KCNQ1: variants seen among roughly 807,000 people sequenced by gnomAD.
KCNQ1 encodes potassium voltage-gated channel subfamily Q member 1.
A neutral mutation model predicts 72.4 loss-of-function variants in KCNQ1; 49 were observed. The observed-to-expected ratio is 0.68, with a 90% CI of 0.54 to 0.86. The LOEUF (loss-of-function observed/expected upper bound fraction) is 0.86, where lower values mean the gene tolerates loss of function less well. Among genes scored for constraint, KCNQ1 ranks in the 40% least tolerant of loss-of-function variants. KCNQ1 has a pLI of 0.00. For missense variants in KCNQ1, 790 were observed against 945.1 expected (o/e 0.84, Z 2.15); for synonymous variants, 450 against 412.6 (o/e 1.09, Z -1.10).
At chr11:2,727,198 C>T (rs376297136) in intron 11 of KCNQ1, among the ~76,000 whole-genome samples, 36 of 152,326 alleles carry the variant, frequency 2.4e-4, no homozygotes, top group African/African-American at 8.7e-4. Flanking sequence ...CTCAAAAGCT[C>T]AGCGTCTACA....
In KCNQ1 at chr11:2,847,910, C is replaced by T. The variant is rs184844767; in HGVS notation, c.1938C>T (p.Gly646=). 2.4e-5 allele frequency: 38 copies of T among 1,577,134 alleles called. No homozygotes were observed. Among genetic ancestry groups the T allele is most frequent in the Middle Eastern group, 1.7e-4 (1 of 6,026 alleles). ...TCACCCAGCCCTGCGGCAGTGGCGG[C>T]TCCGTCGACCCTGAGCTCTTCCTGC... ...AHITQPCGSG[G]SVDPELFLPS... The change falls in exon 16 of 16, where the codon GGC becomes GGT. Residue 646 remains glycine (G), a synonymous_variant. Transcript: ENST00000155840.
chr11:2,545,748 T>G (rs1440222184), intron 2 of KCNQ1, among the ~76,000 whole-genome samples: 2 of 152,172 alleles, frequency 1.3e-5, no homozygotes, highest in Non-Finnish European at 2.9e-5. Flanking sequence ...GGCTTTGGTA[T>G]TTTGTGTATT....
At chr11:2,702,044 C>T (rs1217122951) in intron 11 of KCNQ1, among the ~76,000 whole-genome samples, 1 of 152,256 alleles carries the variant, frequency 6.6e-6, no homozygotes, top group Non-Finnish European at 1.5e-5. Context: ...ATTCCAGCCT[C>T]ACTGTGGCCC....
chr11:2,609,446 T>TC, intron 10 of KCNQ1: 2 of 398,458 alleles, frequency 5.0e-6, no homozygotes, highest in Non-Finnish European at 8.9e-6. Flanking sequence ...TAGCATATGG[T>TC]CCTTCTTGGA....
intron 15 of KCNQ1, among the ~76,000 whole-genome samples, chr11:2,839,253 G>T (rs997132035): frequency 1.3e-5 from 2 of 152,230 alleles, no homozygotes; most frequent in African/African-American, 4.8e-5. Context: ...CCCTTCCAAG[G>T]GAAGAGGGCA....
At chr11:2,771,493 A>C (rs1308263448) in intron 12 of KCNQ1, 1 of 152,228 alleles carries the variant, frequency 6.6e-6, no homozygotes, top group Non-Finnish European at 1.5e-5. Context: ...AACCAAGAAA[A>C]AAAGCACACG....
In KCNQ1 at chr11:2,497,798, G is replaced by T. The variant is rs1015213752; in HGVS notation, c.387-30130G>T. Among the ~76,000 whole-genome samples the T allele has an allele frequency of 6.6e-6, 1 of 152,174 alleles. No individual in the cohort carries two copies. The highest frequency in any genetic ancestry group is 2.4e-5 in the African/African-American group (1 of 41,444). ...TTTGTGCTGGTTTTTCCTCATCTTT[G>T]TGGATTTATCTGCCTTTGCTCTTTG... On this transcript the variant is annotated intron_variant, in intron 1 of 15. Transcript: ENST00000155840. The surrounding 1 kb of genome is among the most constrained non-coding windows in gnomAD (Gnocchi z 4.5).
rs1846394327 is a variant in KCNQ1 at position 2,468,788 on chromosome 11, AC to A, written c.386+23306del. On this transcript the variant is annotated intron_variant, in intron 1 of 15. Coordinates refer to ENST00000155840, the MANE Select transcript of KCNQ1 (RefSeq NM_000218.3). The surrounding 1 kb of genome is among the most constrained non-coding windows in gnomAD (Gnocchi z 5.7). ...TAGAGCCTACTTTGCCGATCCATGC[AC>A]CTGTTGATGGACATGTGGGCGGCTG... 6.6e-6 allele frequency among the ~76,000 whole-genome samples: 1 copy of A among 152,142 alleles called. No individual in the cohort carries two copies.
rs1251517076 is a variant in KCNQ1, at chr11:2,595,504, T to C, written c.1393+6650T>C. ...ACAATCCTAGGGCCCTTAAGAATTA[T>C]GCTAAATCTACTCTGCTTATGCTCT... On this transcript the variant is annotated intron_variant, in intron 10 of 15. Coordinates refer to ENST00000155840, the MANE Select transcript of KCNQ1 (RefSeq NM_000218.3). This position sits in a 1 kb window ranked among gnomAD's most constrained non-coding sequence, Gnocchi z 5.0. Among the ~76,000 whole-genome samples the C allele has an allele frequency of 1.3e-5, 2 of 152,244 alleles. No individual in the cohort carries two copies. The highest frequency in any genetic ancestry group is 2.9e-5 in the Non-Finnish European group (2 of 68,042).
At position 2,713,965 on chromosome 11, in the gene KCNQ1, G is replaced by T. The variant is rs1851047942; in HGVS notation, c.1514+51884G>T. On this transcript the variant is annotated intron_variant, in intron 11 of 15. Coordinates refer to ENST00000155840, the MANE Select transcript of KCNQ1 (RefSeq NM_000218.3). This position sits in a 1 kb window ranked among gnomAD's most constrained non-coding sequence, Gnocchi z 5.6. The stretch of plus-strand genomic sequence containing the variant: ...TTCCTGCTCGGTTCCTGCTAACTCA[G>T]GGAGCTCCAGGTGGCTGCCACTCAG... Among the ~76,000 whole-genome samples the T allele has an allele frequency of 6.6e-6, 1 of 152,240 alleles. No homozygotes were observed. The highest frequency in any genetic ancestry group is 1.5e-5 in the Non-Finnish European group (1 of 68,036).
intron 15 of KCNQ1, among the ~76,000 whole-genome samples, chr11:2,796,643 C>T (rs1425051345): frequency 2.0e-5 from 3 of 152,224 alleles, no homozygotes; most frequent in Non-Finnish European, 4.4e-5. Context: ...GGCCGTGTCT[C>T]CCTGCGTCAG....
intron 10 of KCNQ1, chr11:2,631,252 C>T (rs1398157681): frequency 1.0e-5 from 4 of 398,396 alleles, no homozygotes; most frequent in African/African-American, 4.1e-5. Context: ...CCCATAAATC[C>T]TGTAAACTTC....
rs563549869 is a variant in KCNQ1 at position 2,715,245 on chromosome 11, G to A, written c.1514+53164G>A. On this transcript the variant is annotated intron_variant, in intron 11 of 15. Transcript: ENST00000155840. This position sits in a 1 kb window ranked among gnomAD's most constrained non-coding sequence, Gnocchi z 4.9. ...ACACAGCTAGAAAGTGGCCAGCTGG[G>A]GTTTGGTGCTGAGCCTCTGTCTGAC... 6.6e-6 allele frequency among the ~76,000 whole-genome samples: 1 copy of A among 152,268 alleles called. No homozygotes were observed. The highest frequency in any genetic ancestry group is 2.1e-4 in the South Asian group (1 of 4,816).
chr11:2,578,655 C>T (rs990165798), intron 6 of KCNQ1, among the ~76,000 whole-genome samples: 21 of 152,252 alleles, frequency 1.4e-4, no homozygotes, highest in East Asian at 1.2e-3. Context: ...TGGCTGTGGC[C>T]GCATGGGATG....
Position 2,653,098 on chromosome 11 carries a change from G to C in KCNQ1, c.1394-8863G>C, listed in dbSNP as rs1590008163. On this transcript the variant is annotated intron_variant, in intron 10 of 15. Coordinates refer to ENST00000155840, the MANE Select transcript of KCNQ1 (RefSeq NM_000218.3). The surrounding 1 kb of genome is among the most constrained non-coding windows in gnomAD (Gnocchi z 5.3). ...CTCATACAGCAGGGTGTGGAGAGAG[G>C]CTCACTGAAGGTTTGGGGAGATGAG... 1 of 398,594 alleles carries C rather than the reference G, an allele frequency of 2.5e-6. No individual in the cohort carries two copies. 24.7% of individuals were successfully genotyped at this position (398,594 alleles called of 1,614,324 possible).
intron 11 of KCNQ1, chr11:2,689,736 G>GTC (rs1173039172): frequency 2.5e-6 from 1 of 398,688 alleles, no homozygotes; most frequent in Non-Finnish European, 4.4e-6. Flanking sequence ...CAGAGACTTA[G>GTC]TCTCATTTGT....
rs1037058186 is a variant in KCNQ1 at position 2,659,658 on chromosome 11, A to G, written c.1394-2303A>G. 2.3e-5 allele frequency: 9 copies of G among 398,434 alleles called. No individual in the cohort carries two copies. Among genetic ancestry groups the G allele is most frequent in the Middle Eastern group, 6.2e-4 (1 of 1,608 alleles). The allele number at this position is 398,434 out of a possible 1,614,324, so 24.7% of individuals were successfully genotyped here. A position where few individuals can be genotyped will look rare whatever the true frequency, so the allele number is the denominator to read the frequency against. ...ATGTGGTATGTGTATGTTTAACTTA[A>G]TAAGAAATTGCTAAACTATTTCCTA... On this transcript the variant is annotated intron_variant, in intron 10 of 15. Coordinates refer to ENST00000155840, the MANE Select transcript of KCNQ1 (RefSeq NM_000218.3). The surrounding 1 kb of genome is among the most constrained non-coding windows in gnomAD (Gnocchi z 4.3).
chr11:2,485,688 C>T (rs1846730334), intron 1 of KCNQ1, among the ~76,000 whole-genome samples: 2 of 152,148 alleles, frequency 1.3e-5, no homozygotes, highest in Non-Finnish European at 2.9e-5. Flanking sequence ...CACCAACTCC[C>T]CCATTCTCTC....
intron 11 of KCNQ1, among the ~76,000 whole-genome samples, chr11:2,731,376 TTGG>T (rs1845856226): frequency 1.3e-5 from 2 of 152,178 alleles, no homozygotes; most frequent in African/African-American, 2.4e-5. Context: ...AATTCAGGCC[TTGG>T]TGAGTCTGGC....
Sources: gnomAD v4.1 joint callset for allele counts (sites outside exome capture counted in the v4.1 genomes callset) on GRCh38, gnomAD v4.1.1 for gene constraint, Gnocchi (gnomAD v3.1) non-coding constraint, MANE v1.5 for transcripts, NCBI Gene and HGNC (gene_info 2026-07-23, HGNC 2026-07-21) for gene names.